PCDH11X: variants seen among roughly 807,000 people sequenced by gnomAD.
The protein encoded by PCDH11X is protocadherin-11 X-linked.
A neutral mutation model predicts 53.3 loss-of-function variants in PCDH11X; 18 were observed. The observed-to-expected ratio is 0.34, with a 90% CI of 0.23 to 0.50. The LOEUF (loss-of-function observed/expected upper bound fraction) is 0.50. Among genes scored for constraint, PCDH11X ranks in the 20% least tolerant of loss-of-function variants. The pLI is 0.98. For missense variants in PCDH11X, 570 were observed against 1,032.4 expected (o/e 0.55, Z 6.14); for synonymous variants, 279 against 393.3 (o/e 0.71, Z 3.44).
chrX:91,827,469 A>G (rs1408470616), intron 4 of PCDH11X, among the ~76,000 whole-genome samples: 1 of 110,830 alleles, frequency 9.0e-6, no homozygotes, highest in Non-Finnish European at 1.9e-5. Context: ...ATTAGATCCC[A>G]TTTGTCAATT....
intron 10 of PCDH11X, among the ~76,000 whole-genome samples, chrX:92,536,894 G>A (rs2074670121): frequency 9.1e-6 from 1 of 109,682 alleles, no homozygotes; most frequent in Non-Finnish European, 1.9e-5. Flanking sequence ...TTTTAACTGG[G>A]GTAAGATAAT....
At chrX:92,079,166 C>A (rs1313280197) in intron 6 of PCDH11X, among the ~76,000 whole-genome samples, 4 of 111,528 alleles carry the variant, frequency 3.6e-5, no homozygotes, top group Non-Finnish European at 1.9e-5. Flanking sequence ...TGTCAGCAGG[C>A]CTGCATGGTG....
chrX:92,294,221 A>T (rs142517944), intron 8 of PCDH11X, among the ~76,000 whole-genome samples: 2,797 of 109,904 alleles, frequency 0.025, 45 homozygotes, highest in South Asian at 0.081. Flanking sequence ...GGCTCACTGC[A>T]ACTTCCACCT....
At chrX:91,847,917 G>A (rs1937775909) in intron 5 of PCDH11X, among the ~76,000 whole-genome samples, 1 of 112,103 alleles carries the variant, frequency 8.9e-6, no homozygotes, top group African/African-American at 3.2e-5. Flanking sequence ...TATTCAAATA[G>A]GTGAAGACTA....
chrX:92,264,243 T>C (rs1239003592), intron 8 of PCDH11X, among the ~76,000 whole-genome samples: 3 of 111,867 alleles, frequency 2.7e-5, no homozygotes, highest in African/African-American at 9.7e-5. Flanking sequence ...TTCATTAATG[T>C]TTGAGAGATA....
intron 6 of PCDH11X, among the ~76,000 whole-genome samples, chrX:91,904,177 T>C (rs763756083): frequency 1.2e-3 from 133 of 111,222 alleles, no homozygotes; most frequent in African/African-American, 4.2e-3. Context: ...AAAGCTATTA[T>C]ATTATGTTAG....
At chrX:92,150,037 A>G (rs1348315788) in intron 6 of PCDH11X, among the ~76,000 whole-genome samples, 2 of 111,570 alleles carry the variant, frequency 1.8e-5, no homozygotes, top group Non-Finnish European at 3.8e-5. Context: ...TTTGTCTATT[A>G]TGGATAATTG....
chrX:92,139,664 A>G (rs1228982645), intron 6 of PCDH11X, among the ~76,000 whole-genome samples: 1 of 111,665 alleles, frequency 9.0e-6, no homozygotes, highest in Non-Finnish European at 1.9e-5. Flanking sequence ...TGAGACAACA[A>G]TAAGAAACTT....
intron 6 of PCDH11X, among the ~76,000 whole-genome samples, chrX:92,019,929 A>G (rs1261574440): frequency 9.0e-6 from 1 of 111,569 alleles, no homozygotes. Context: ...AGGAAGGAAG[A>G]ACAGTGTGGT....
intron 6 of PCDH11X, among the ~76,000 whole-genome samples, chrX:92,011,170 G>C (rs1248043803): frequency 8.9e-6 from 1 of 112,159 alleles, no homozygotes; most frequent in African/African-American, 3.2e-5. Flanking sequence ...ATTGGGAATA[G>C]TGCTGTAATG....
At chrX:92,128,994 A>G (rs1223907150) in intron 6 of PCDH11X, among the ~76,000 whole-genome samples, 1 of 109,838 alleles carries the variant, frequency 9.1e-6, no homozygotes, top group Non-Finnish European at 1.9e-5. Flanking sequence ...TAAATAAATA[A>G]CAATTAAGAA....
intron 6 of PCDH11X, among the ~76,000 whole-genome samples, chrX:92,175,792 A>ACT (rs2065900048): frequency 1.0e-5 from 1 of 99,446 alleles, no homozygotes; most frequent in Non-Finnish European, 2.0e-5. Context: ...ATATACACAC[A>ACT]CACACACACA....
chrX:92,257,649 A>C (rs2067623814), intron 7 of PCDH11X, among the ~76,000 whole-genome samples: 1 of 112,687 alleles, frequency 8.9e-6, no homozygotes. Flanking sequence ...GCAAGTCCCA[A>C]ATACAGCAGA....
intron 10 of PCDH11X, among the ~76,000 whole-genome samples, chrX:92,482,666 A>AT (rs1270136248): frequency 9.1e-6 from 1 of 110,396 alleles, no homozygotes; most frequent in African/African-American, 3.3e-5. Context: ...TTTAACTTGC[A>AT]TTTTTTTAGC....
intron 6 of PCDH11X, among the ~76,000 whole-genome samples, chrX:91,932,466 G>A (rs750247894): frequency 6.3e-4 from 63 of 99,582 alleles, no homozygotes; most frequent in African/African-American, 2.1e-3. Flanking sequence ...AGAAACATGG[G>A]AAGAGGGAAA....
chrX:92,097,346 T>C (rs2064157117), intron 6 of PCDH11X, among the ~76,000 whole-genome samples: 1 of 107,102 alleles, frequency 9.3e-6, no homozygotes, highest in Non-Finnish European at 1.9e-5. Context: ...CAGGATGTCA[T>C]GGCTGCCTTG....
intron 10 of PCDH11X, among the ~76,000 whole-genome samples, chrX:92,505,082 A>C (rs189776045): frequency 1.0e-3 from 109 of 107,908 alleles, no homozygotes; most frequent in African/African-American, 3.4e-3. Context: ...TATCATTTGA[A>C]TAAATTTTCT....
At chrX:91,901,225 C>A (rs994215262) in intron 6 of PCDH11X, among the ~76,000 whole-genome samples, 13 of 111,612 alleles carry the variant, frequency 1.2e-4, no homozygotes, top group Non-Finnish European at 2.3e-4. Flanking sequence ...GAGCATTATG[C>A]CCCTTCTTCA....
At chrX:92,084,042 G>A (rs2063906682) in intron 6 of PCDH11X, among the ~76,000 whole-genome samples, 1 of 109,751 alleles carries the variant, frequency 9.1e-6, no homozygotes, top group Admixed American at 9.8e-5. Context: ...AGTGAGCAGA[G>A]ATTGCACCAC....
Sources: allele counts gnomAD v4.1 joint callset (sites outside exome capture counted in the v4.1 genomes callset), GRCh38; gene constraint gnomAD v4.1.1; transcripts MANE v1.5; gene names NCBI Gene and HGNC (gene_info 2026-07-23, HGNC 2026-07-21).